The following MAGI1 variants were observed in gnomAD, a reference collection of about 807,000 sequenced individuals.
MAGI1 encodes membrane-associated guanylate kinase, WW and PDZ domain-containing protein 1.
Under a neutral mutation model 139.9 loss-of-function variants are expected in MAGI1, and 58 were observed. That is an observed-to-expected ratio of 0.41 (90% CI 0.34 to 0.52). The LOEUF (loss-of-function observed/expected upper bound fraction) is 0.52. Ranked by LOEUF, MAGI1 falls within the 20% of genes least tolerant of loss-of-function variation. MAGI1 has a pLI of 0.12. For missense variants in MAGI1, 1,874 were observed against 1,901.6 expected (o/e 0.99, Z 0.27); for synonymous variants, 812 against 737.9 (o/e 1.10, Z -1.63).
At chr3:65,572,360 A>G (rs2080997973) in intron 2 of MAGI1, among the ~76,000 whole-genome samples, 1 of 152,154 alleles carries the variant, frequency 6.6e-6, no homozygotes, top group African/African-American at 2.4e-5. Flanking sequence ...AAACACCAGG[A>G]ACTAGGAACA....
chr3:65,620,011 C>A (rs2083581031), intron 2 of MAGI1: 1 of 985,158 alleles, frequency 1.0e-6, no homozygotes, highest in Non-Finnish European at 1.2e-6. Context: ...TGCCCCAATT[C>A]CTACATAGTG....
chr3:65,751,867 T>C (rs1206963025), intron 1 of MAGI1, among the ~76,000 whole-genome samples: 1 of 152,234 alleles, frequency 6.6e-6, no homozygotes, highest in African/African-American at 2.4e-5. Flanking sequence ...CTTTATTCTA[T>C]TCTTTTACAA....
chr3:65,575,048 C>T (rs952374196), intron 2 of MAGI1, among the ~76,000 whole-genome samples: 3 of 151,964 alleles, frequency 2.0e-5, no homozygotes, highest in Non-Finnish European at 4.4e-5. Flanking sequence ...ATTAAGGAAA[C>T]AATTGGTAAT....
intron 1 of MAGI1, among the ~76,000 whole-genome samples, chr3:65,786,816 C>T (rs1478282417): frequency 1.3e-5 from 2 of 151,880 alleles, no homozygotes; most frequent in African/African-American, 2.4e-5. Context: ...GGGATTTCAC[C>T]GTGTTAGCCA....
chr3:65,402,460 C>G (rs537772570), intron 12 of MAGI1, among the ~76,000 whole-genome samples: 51 of 152,242 alleles, frequency 3.3e-4, no homozygotes, highest in African/African-American at 1.2e-3. Context: ...AAAGCGTACA[C>G]TGGTGTTTCA....
chr3:65,597,808 T>C (rs1291477320), intron 2 of MAGI1: 4 of 456,340 alleles, frequency 8.8e-6, no homozygotes, highest in Non-Finnish European at 1.8e-5. Context: ...GGACCACTTG[T>C]ACTTGCCTGC....
chr3:65,888,878 T>A (rs35108414), intron 1 of MAGI1, among the ~76,000 whole-genome samples: 13,608 of 151,862 alleles, frequency 0.09, 965 homozygotes, highest in Admixed American at 0.19. Context: ...CACCAGAAAT[T>A]ATCTGTGCGC....
At chr3:65,476,797 T>C (rs1296466621) in intron 4 of MAGI1, among the ~76,000 whole-genome samples, 1 of 152,168 alleles carries the variant, frequency 6.6e-6, no homozygotes, top group East Asian at 1.9e-4. Context: ...TTGAAAGAAA[T>C]GTTAACATGT....
intron 1 of MAGI1, among the ~76,000 whole-genome samples, chr3:65,660,082 C>CA (rs1437309771): frequency 6.6e-6 from 1 of 151,778 alleles, no homozygotes; most frequent in Non-Finnish European, 1.5e-5. Flanking sequence ...GGGGCAAATA[C>CA]AAAAAAAGAG....
chr3:65,611,068 G>C (rs192836076), intron 2 of MAGI1, among the ~76,000 whole-genome samples: 290 of 131,182 alleles, frequency 2.2e-3, no homozygotes, highest in African/African-American at 7.7e-3. Context: ...TACATATAGT[G>C]TATAGTATAT....
chr3:65,611,653 T>A (rs887754850), intron 2 of MAGI1, among the ~76,000 whole-genome samples: 1 of 146,996 alleles, frequency 6.8e-6, no homozygotes, highest in Admixed American at 6.9e-5. Context: ...GTATTATATA[T>A]ACTATACTAT....
chr3:65,810,793 C>T lies in MAGI1; in HGVS notation c.314-188705G>A, dbSNP rs116755822. ...TCAACTCCAGCAACCTATTTAGGTCCCTTCATGGTGCACACACACCTCGTA... is the reference window on the plus strand; with the variant it reads ...TCAACTCCAGCAACCTATTTAGGTCTCTTCATGGTGCACACACACCTCGTA... On this transcript the variant is annotated intron_variant, in intron 1 of 22. Transcript: ENST00000402939. 4.8e-3 allele frequency among the ~76,000 whole-genome samples: 735 copies of T among 152,294 alleles called. 7 individuals carry two copies. Among genetic ancestry groups the T allele is most frequent in the African/African-American group, 0.016 (665 of 41,556 alleles).
chr3:65,580,152 T>C (rs999102186), intron 2 of MAGI1, among the ~76,000 whole-genome samples: 2 of 152,074 alleles, frequency 1.3e-5, no homozygotes, highest in Non-Finnish European at 2.9e-5. Flanking sequence ...AGGAAAAAAA[T>C]TTAAAATGAA....
intron 1 of MAGI1, among the ~76,000 whole-genome samples, chr3:65,786,531 G>A (rs1004884723): frequency 6.6e-6 from 1 of 151,478 alleles, no homozygotes; most frequent in African/African-American, 2.4e-5. Context: ...TTGAACTCCT[G>A]GGCTTAAGCA....
At chr3:65,381,726 T>C in intron 16 of MAGI1, 151 bp downstream of exon 16, 1 of 722,356 alleles carries the variant, frequency 1.4e-6, no homozygotes, top group Non-Finnish European at 2.2e-6. Flanking sequence ...TTGCAGGGTT[T>C]GAGAGAAGCA....
chr3:65,518,461 C>T (rs899308696), intron 2 of MAGI1, among the ~76,000 whole-genome samples: 2 of 152,064 alleles, frequency 1.3e-5, no homozygotes, highest in East Asian at 1.9e-4. Context: ...CTTAACTTCA[C>T]GAGAAAATAA....
chr3:65,784,647 G>A lies in MAGI1; in HGVS notation c.314-162559C>T, dbSNP rs547416943. ...GTGAACCAAGAAGGCGGAGCTTGCA[G>A]TGAGCCGAGATCGCGCCACTGCACT... is the stretch of plus-strand genomic sequence containing the variant. On this transcript the variant is annotated intron_variant, in intron 1 of 22. Coordinates refer to ENST00000402939, the MANE Select transcript of MAGI1 (RefSeq NM_001033057.2). Among the ~76,000 whole-genome samples, 4 of 152,286 alleles carry A rather than the reference G, an allele frequency of 2.6e-5. No individual in the cohort carries two copies. The East Asian group carries it at 7.8e-4, about 30-fold the overall frequency.
intron 2 of MAGI1, among the ~76,000 whole-genome samples, chr3:65,604,616 C>T (rs2082647155): frequency 6.6e-6 from 1 of 151,852 alleles, no homozygotes; most frequent in Non-Finnish European, 1.5e-5. Context: ...TTATAAGAAC[C>T]TTTGATTTCC....
intron 1 of MAGI1, among the ~76,000 whole-genome samples, chr3:65,800,638 T>TTAA (rs1553709318): frequency 2.0e-5 from 3 of 149,814 alleles, no homozygotes; most frequent in Non-Finnish European, 4.5e-5. Context: ...TTAATTAGAT[T>TTAA]AAAAAAAAAA....
Sources: gnomAD v4.1 joint callset for allele counts (sites outside exome capture counted in the v4.1 genomes callset) on GRCh38, gnomAD v4.1.1 for gene constraint, MANE v1.5 for transcripts, NCBI Gene and HGNC (gene_info 2026-07-23, HGNC 2026-07-21) for gene names.